Variants in AFF3 observed in about 807,000 individuals in gnomAD.
AFF3 encodes AF4/FMR2 family member 3.
AFF3 carries 32 observed loss-of-function variants against 129.7 expected under a neutral mutation model. That is an observed-to-expected ratio of 0.25 (90% CI 0.19 to 0.33). The LOEUF (loss-of-function observed/expected upper bound fraction) is 0.33, where lower values mean the gene tolerates loss of function less well. Among genes scored for constraint, AFF3 ranks in the 10% least tolerant of loss-of-function variants. The pLI is 1.00. For missense variants in AFF3, 1,373 were observed against 1,592.0 expected, an observed-to-expected ratio of 0.86 and a Z score of 2.34; for synonymous variants, 644 against 635.4, an observed-to-expected ratio of 1.01 and a Z score of -0.20.
intron 7 of AFF3, among the ~76,000 whole-genome samples, chr2:100,004,490 T>A (rs1368108071): frequency 6.6e-6 from 1 of 152,198 alleles, no homozygotes; most frequent in Non-Finnish European, 1.5e-5. Flanking sequence ...TCTCACTATG[T>A]TGCCCAGGCT....
intron 7 of AFF3, among the ~76,000 whole-genome samples, chr2:99,935,472 G>T (rs1357871961): frequency 1.3e-5 from 2 of 152,214 alleles, no homozygotes; most frequent in African/African-American, 4.8e-5. Context: ...AAATAAGGAA[G>T]TACTAAGAAC....
chr2:99,886,636 T>C (rs1207137859), intron 7 of AFF3, among the ~76,000 whole-genome samples: 1 of 152,018 alleles, frequency 6.6e-6, no homozygotes, highest in African/African-American at 2.4e-5. Context: ...TCCACTGGAG[T>C]AGGGCCATTT....
intron 13 of AFF3, among the ~76,000 whole-genome samples, chr2:99,641,459 C>T (rs1215252403): frequency 1.3e-5 from 2 of 152,090 alleles, no homozygotes; most frequent in African/African-American, 4.8e-5. Context: ...GGGTGGATCA[C>T]CTGAGGTCAG....
At chr2:99,716,795 A>G (rs1678436741) in intron 11 of AFF3, among the ~76,000 whole-genome samples, 1 of 151,936 alleles carries the variant, frequency 6.6e-6, no homozygotes, top group Non-Finnish European at 1.5e-5. Flanking sequence ...AGGCAGGAGA[A>G]TCGTTTGAAC....
intron 13 of AFF3, among the ~76,000 whole-genome samples, chr2:99,602,887 G>T (rs1412159134): frequency 1.3e-5 from 2 of 152,186 alleles, no homozygotes; most frequent in Non-Finnish European, 1.5e-5. Flanking sequence ...ACTCATTGGA[G>T]CTTTGTTTCT....
chr2:99,675,060 CT>C (rs1053083832), intron 11 of AFF3, among the ~76,000 whole-genome samples: 16 of 152,182 alleles, frequency 1.1e-4, no homozygotes, highest in African/African-American at 3.4e-4. Context: ...TGAGACTCAT[CT>C]ATCTCATCAT....
chr2:99,935,103 T>C (rs1372590166), intron 7 of AFF3, among the ~76,000 whole-genome samples: 1 of 152,106 alleles, frequency 6.6e-6, no homozygotes, highest in African/African-American at 2.4e-5. Flanking sequence ...ACATGGGAGG[T>C]CATCTAATGT....
chr2:99,744,253 C>A, intron 9 of AFF3, 113 bp from the exon 10 acceptor site: 1 of 826,446 alleles, frequency 1.2e-6, no homozygotes. Context: ...TGCTCTCAAT[C>A]TCTATCAGCT....
chr2:100,111,925 C>T (rs1229265557), intron 2 of AFF3, among the ~76,000 whole-genome samples: 2 of 152,292 alleles, frequency 1.3e-5, no homozygotes, highest in African/African-American at 2.4e-5. Context: ...GTGGGGAGTG[C>T]GCTCTCTGAA....
intron 7 of AFF3, among the ~76,000 whole-genome samples, chr2:99,994,111 TA>T (rs1228405730): frequency 6.7e-6 from 1 of 149,254 alleles, no homozygotes; most frequent in East Asian, 1.9e-4. Flanking sequence ...CAGCCAAACT[TA>T]ATCTTTTTTA....
intron 13 of AFF3, 135 bp from the exon 14 acceptor site, chr2:99,601,756 G>A (rs867128828): frequency 6.4e-5 from 68 of 1,059,118 alleles, no homozygotes; most frequent in Middle Eastern, 3.2e-4. Flanking sequence ...CCATGACCTG[G>A]AACTCAAAGA....
At chr2:99,601,917 G>A (rs371114517) in intron 13 of AFF3, among the ~76,000 whole-genome samples, 1 of 152,204 alleles carries the variant, frequency 6.6e-6, no homozygotes, top group Non-Finnish European at 1.5e-5. Flanking sequence ...CCAAATGGCT[G>A]TTTCCATTTT....
At chr2:99,807,392 C>T (rs954959197) in intron 8 of AFF3, among the ~76,000 whole-genome samples, 4 of 152,162 alleles carry the variant, frequency 2.6e-5, no homozygotes, top group Non-Finnish European at 5.9e-5. Flanking sequence ...CCTACCAACG[C>T]ACCCAGTTTC....
intron 17 of AFF3, among the ~76,000 whole-genome samples, chr2:99,579,736 A>ATG (rs200872953): frequency 3.1e-5 from 4 of 129,326 alleles, no homozygotes; most frequent in South Asian, 2.2e-4. Flanking sequence ...ATGTATACAT[A>ATG]TGTGTGTGTG....
intron 7 of AFF3, among the ~76,000 whole-genome samples, chr2:99,870,073 G>A (rs1290615188): frequency 2.0e-5 from 3 of 152,132 alleles, no homozygotes; most frequent in Non-Finnish European, 1.5e-5. Flanking sequence ...CTGGTCTTGC[G>A]GGTCAGTCTC....
chr2:99,677,534 G>T (rs987077441), intron 11 of AFF3, among the ~76,000 whole-genome samples: 2 of 152,116 alleles, frequency 1.3e-5, no homozygotes, highest in African/African-American at 4.8e-5. Context: ...TGGGCATGTT[G>T]TAACACCCTT....
At chr2:100,129,762 T>C (rs2105584425) in intron 1 of AFF3, among the ~76,000 whole-genome samples, 1 of 152,316 alleles carries the variant, frequency 6.6e-6, no homozygotes, top group African/African-American at 2.4e-5. Context: ...CTTCAATAAA[T>C]CCTCACAACA....
At chr2:99,697,290 C>T (rs895485065) in intron 11 of AFF3, among the ~76,000 whole-genome samples, 5 of 152,158 alleles carry the variant, frequency 3.3e-5, no homozygotes, top group African/African-American at 9.7e-5. Context: ...GCAGGTGGGG[C>T]GAGATGGCCT....
intron 4 of AFF3, among the ~76,000 whole-genome samples, chr2:100,023,886 C>G (rs1170699399): frequency 6.6e-6 from 1 of 152,216 alleles, no homozygotes; most frequent in Non-Finnish European, 1.5e-5. Context: ...TCATTAAACA[C>G]TGACTTCGAA....
Sources: gnomAD v4.1 joint callset for allele counts (sites outside exome capture counted in the v4.1 genomes callset) on GRCh38, gnomAD v4.1.1 for gene constraint, MANE v1.5 for transcripts, NCBI Gene and HGNC (gene_info 2026-07-23, HGNC 2026-07-21) for gene names.